UTRN: variants seen among roughly 807,000 people sequenced by gnomAD.
UTRN encodes the protein dystrophin-related protein 1.
In UTRN, 283 loss-of-function variants were observed where a neutral mutation model predicts 463.9. The ratio of observed to expected loss-of-function variants is 0.61; its 90% CI spans 0.55 to 0.67. The LOEUF (loss-of-function observed/expected upper bound fraction) is 0.67, where lower values mean the gene tolerates loss of function less well. UTRN is among the 30% of genes least tolerant of loss of function. UTRN has a pLI of 0.00. For missense variants in UTRN, 3,922 were observed against 4,084.3 expected, an observed-to-expected ratio of 0.96 and a Z score of 1.08; for synonymous variants, 1,442 against 1,431.5, an observed-to-expected ratio of 1.01 and a Z score of -0.17.
intron 54 of UTRN, among the ~76,000 whole-genome samples, chr6:144,739,077 T>C (rs145391545): frequency 5.4e-4 from 83 of 152,318 alleles, no homozygotes; most frequent in African/African-American, 2.0e-3. Context: ...AATGTTTTCC[T>C]CTTTGGTCCT....
intron 63 of UTRN, 150 bp from the exon 64 acceptor site, chr6:144,797,674 A>C: frequency 1.4e-6 from 1 of 726,544 alleles, no homozygotes; most frequent in Non-Finnish European, 2.0e-6. Flanking sequence ...TGACTTGAAG[A>C]ACCTTAAAGC....
intron 2 of UTRN, among the ~76,000 whole-genome samples, chr6:144,368,527 T>C (rs969724487): frequency 6.6e-6 from 1 of 152,162 alleles, no homozygotes; most frequent in East Asian, 1.9e-4. Context: ...ATCCCAGCGC[T>C]TTGGGAGGCC....
intron 53 of UTRN, among the ~76,000 whole-genome samples, chr6:144,723,668 G>A (rs1787469037): frequency 6.6e-6 from 1 of 152,180 alleles, no homozygotes; most frequent in Non-Finnish European, 1.5e-5. Context: ...CACAGAATGA[G>A]CTCTTACTTT....
chr6:144,772,193 C>G (rs144985747), intron 59 of UTRN, among the ~76,000 whole-genome samples: 124 of 151,736 alleles, frequency 8.2e-4, no homozygotes, highest in Middle Eastern at 3.4e-3. Flanking sequence ...GCCGCCACTC[C>G]CAGCTAATTT....
chr6:144,701,976 C>A (rs1425126528), intron 53 of UTRN, among the ~76,000 whole-genome samples: 2 of 151,922 alleles, frequency 1.3e-5, no homozygotes, highest in Non-Finnish European at 2.9e-5. Flanking sequence ...TTAAAATGAC[C>A]GATTTAAGAA....
chr6:144,494,918 A>T (rs1055390369), intron 33 of UTRN, among the ~76,000 whole-genome samples: 1 of 151,830 alleles, frequency 6.6e-6, no homozygotes, highest in African/African-American at 2.4e-5. Context: ...CTAGATACAG[A>T]GTGTGGATTG....
At position 144,686,500 on chromosome 6, in the gene UTRN, T is replaced by C. The variant is rs9373422; in HGVS notation, c.7652+7922T>C. Among the ~76,000 whole-genome samples, 450 of 152,208 alleles carry C rather than the reference T, an allele frequency of 3.0e-3. 19 individuals are homozygous for C. The East Asian group carries it at 0.065, about 22-fold the overall frequency. On this transcript the variant is annotated intron_variant, in intron 52 of 74. Coordinates refer to ENST00000367545, the MANE Select transcript of UTRN (RefSeq NM_007124.3). ...CTGTCAGTATAGTGTTGAAGTCCCC[T>C]AATGTTAATGTGCTGCAGTCTATCT...
intron 53 of UTRN, among the ~76,000 whole-genome samples, chr6:144,724,070 G>A (rs113800668): frequency 4.8e-5 from 7 of 147,322 alleles, no homozygotes; most frequent in African/African-American, 1.7e-4. Context: ...GAATTGTTTT[G>A]TGTAAAAAAC....
chr6:144,633,457 C>T (rs1410431364), intron 51 of UTRN, among the ~76,000 whole-genome samples: 1 of 152,186 alleles, frequency 6.6e-6, no homozygotes, highest in Non-Finnish European at 1.5e-5. Context: ...TGATCTCGAT[C>T]TCCTGACGTC....
At chr6:144,749,406 C>G (rs1161186393) in intron 55 of UTRN, among the ~76,000 whole-genome samples, 1 of 152,206 alleles carries the variant, frequency 6.6e-6, no homozygotes, top group Non-Finnish European at 1.5e-5. Context: ...TACACACCTT[C>G]TGGCAGGAGA....
At chr6:144,794,092 G>A in intron 63 of UTRN, 101 bp downstream of exon 63, 1 of 1,474,564 alleles carries the variant, frequency 6.8e-7, no homozygotes, top group Admixed American at 2.1e-5. Context: ...CCAAATACTG[G>A]AAGACTTTGG....
At chr6:144,711,121 T>A (rs1308348344) in intron 53 of UTRN, among the ~76,000 whole-genome samples, 2 of 152,122 alleles carry the variant, frequency 1.3e-5, no homozygotes, top group African/African-American at 2.4e-5. Flanking sequence ...AGTTCTAGAT[T>A]AGGCTGGCCA....
At chr6:144,500,930 T>C (rs897324243) in intron 34 of UTRN, among the ~76,000 whole-genome samples, 2 of 152,200 alleles carry the variant, frequency 1.3e-5, no homozygotes, top group African/African-American at 4.8e-5. Context: ...AAATGATCAA[T>C]ACTGTGACTG....
chr6:144,440,647 G>C (rs1348564123), intron 13 of UTRN, among the ~76,000 whole-genome samples, 176 bp downstream of exon 13: 1 of 152,210 alleles, frequency 6.6e-6, no homozygotes, highest in Non-Finnish European at 1.5e-5. Flanking sequence ...GGAGTACCCA[G>C]GTATTGATTC....
intron 58 of UTRN, among the ~76,000 whole-genome samples, chr6:144,766,889 T>A (rs1793420384): frequency 6.6e-6 from 1 of 151,938 alleles, no homozygotes; most frequent in African/African-American, 2.4e-5. Context: ...GCACAGGAAA[T>A]TTTTAAGAAA....
intron 23 of UTRN, among the ~76,000 whole-genome samples, chr6:144,463,096 T>G (rs576103729): frequency 6.6e-6 from 1 of 152,262 alleles, no homozygotes; most frequent in Non-Finnish European, 1.5e-5. Flanking sequence ...ACCTTGAAGA[T>G]AAGAGAAAAT....
rs1210457885 is a variant in UTRN, at chr6:144,533,127, G to A, written c.6100G>A (p.Ala2034Thr). ...CAGCAGCCACCAGCCCAGTTTTGCA[G>A]CACTAAACCGAACTGGGGATGGGAT... ...GISSHQPSFA[A>T]LNRTGDGIVQ... Residue 2034 changes from alanine to threonine, a missense_variant, in exon 43 of 75, where the codon GCA becomes ACA. By Grantham distance (58) the Ala-to-Thr change is moderately conservative. Coordinates refer to ENST00000367545, the MANE Select transcript of UTRN (RefSeq NM_007124.3). 6.2e-7 allele frequency: 1 copy of A among 1,613,944 alleles called. No homozygotes were observed. Among genetic ancestry groups the A allele is most frequent in the Non-Finnish European group, 8.5e-7 (1 of 1,179,914 alleles).
Position 144,751,825 on chromosome 6 carries a change from C to A in UTRN, c.8228C>A (p.Ala2743Glu), listed in dbSNP as rs762775138. Residue 2743 changes from alanine (A) to glutamate (E), a missense_variant, in exon 56 of 75, where the codon GCA becomes GAA. Transcript: ENST00000367545. ...TTCTAGGCATTTAGAGAAGAAATTG[C>A]ACCAATCAACTTTAAAGTTAAAACG... ...EKIMAFREEIAPINFKVKTVN... is the reference protein window; with the variant it reads ...EKIMAFREEIEPINFKVKTVN... 1 of 1,606,394 alleles carries A rather than the reference C, an allele frequency of 6.2e-7. No individual in the cohort carries two copies. The highest frequency in any genetic ancestry group is 1.1e-5 in the South Asian group (1 of 89,436).
intron 33 of UTRN, among the ~76,000 whole-genome samples, chr6:144,494,722 G>T (rs1305025284): frequency 6.6e-6 from 1 of 152,118 alleles, no homozygotes; most frequent in Non-Finnish European, 1.5e-5. Context: ...TGGACACAAA[G>T]GTTCTCCAAG....
Sources: allele counts gnomAD v4.1 joint callset (sites outside exome capture counted in the v4.1 genomes callset), GRCh38; gene constraint gnomAD v4.1.1; transcripts MANE v1.5; gene names NCBI Gene and HGNC (gene_info 2026-07-23, HGNC 2026-07-21).